Variants in MEI4 observed in about 807,000 individuals in gnomAD.
The protein encoded by MEI4 is meiotic double-stranded break formation protein 4.
A neutral mutation model predicts 31.4 loss-of-function variants in MEI4; 27 were observed. That is an observed-to-expected ratio of 0.86 (90% CI 0.63 to 1.19). The LOEUF is 1.19. MEI4 is among the 50% of genes most tolerant of loss of function. MEI4 has a pLI of 0.00. For missense variants in MEI4, 329 were observed against 398.9 expected, an observed-to-expected ratio of 0.82 and a Z score of 1.49; for synonymous variants, 122 against 145.4, an observed-to-expected ratio of 0.84 and a Z score of 1.16.
At chr6:77,697,573 G>C (rs1165194033) in intron 2 of MEI4, among the ~76,000 whole-genome samples, 1 of 152,138 alleles carries the variant, frequency 6.6e-6, no homozygotes, top group African/African-American at 2.4e-5. Context: ...GTAGTTGAGT[G>C]GTTTTGAGTG....
At chr6:77,744,335 G>C (rs1767516898) in intron 2 of MEI4, among the ~76,000 whole-genome samples, 1 of 152,130 alleles carries the variant, frequency 6.6e-6, no homozygotes, top group African/African-American at 2.4e-5. Context: ...GAAGCCTCAG[G>C]AGCCGATGCA....
chr6:77,734,143 T>C (rs1217696281), intron 2 of MEI4, among the ~76,000 whole-genome samples: 5 of 151,964 alleles, frequency 3.3e-5, no homozygotes, highest in Non-Finnish European at 7.4e-5. Flanking sequence ...GTCTATTAGG[T>C]CCGCTTGGTG....
chr6:77,824,757 G>A (rs1033487870), intron 3 of MEI4, among the ~76,000 whole-genome samples: 2 of 152,058 alleles, frequency 1.3e-5, no homozygotes, highest in African/African-American at 4.8e-5. Flanking sequence ...GAAAGGGAAT[G>A]TTATTATCAT....
chr6:77,819,086 A>G (rs1221064890), intron 3 of MEI4, among the ~76,000 whole-genome samples: 1 of 152,172 alleles, frequency 6.6e-6, no homozygotes, highest in Non-Finnish European at 1.5e-5. Context: ...CCGTACTTTT[A>G]TTCTTTTACA....
intron 4 of MEI4, among the ~76,000 whole-genome samples, chr6:77,870,866 C>T (rs1771173729): frequency 6.6e-6 from 1 of 152,114 alleles, no homozygotes; most frequent in African/African-American, 2.4e-5. Context: ...AACTACTTCT[C>T]CCTTTTAAAA....
chr6:77,770,923 A>G (rs1470742838), intron 3 of MEI4, among the ~76,000 whole-genome samples: 1 of 152,122 alleles, frequency 6.6e-6, no homozygotes. Flanking sequence ...GCAGCAAAAG[A>G]AAAAATTGAC....
chr6:77,752,347 C>T (rs778289865), intron 2 of MEI4, among the ~76,000 whole-genome samples: 12 of 152,160 alleles, frequency 7.9e-5, no homozygotes, highest in East Asian at 1.9e-4. Context: ...TTGCAGATGA[C>T]GTGATTGTAT....
chr6:77,698,164 G>A (rs1185888766), intron 2 of MEI4, among the ~76,000 whole-genome samples: 1 of 152,120 alleles, frequency 6.6e-6, no homozygotes, highest in Non-Finnish European at 1.5e-5. Context: ...GTGTGTCTCT[G>A]CATGTGAGAT....
intron 2 of MEI4, among the ~76,000 whole-genome samples, chr6:77,700,285 T>A (rs1766185289): frequency 6.6e-6 from 1 of 152,200 alleles, no homozygotes; most frequent in Non-Finnish European, 1.5e-5. Flanking sequence ...TAATCAAGCC[T>A]GGGCAGTGGC....
intron 4 of MEI4, among the ~76,000 whole-genome samples, chr6:77,868,502 C>CATACATATATATATATATATATATAT (rs1554170568): frequency 1.1e-5 from 1 of 90,068 alleles, no homozygotes; most frequent in African/African-American, 3.5e-5. Context: ...AAAAATACTA[C>CATACATATATATATATATATATATAT]ATATATATAT....
At chr6:77,919,205 G>C (rs1309757613) in intron 4 of MEI4, among the ~76,000 whole-genome samples, 1 of 151,810 alleles carries the variant, frequency 6.6e-6, no homozygotes, top group Non-Finnish European at 1.5e-5. Flanking sequence ...ATTTTTTTCA[G>C]CACCACACCA....
intron 2 of MEI4, among the ~76,000 whole-genome samples, chr6:77,737,840 A>AG (rs1767292674): frequency 6.6e-6 from 1 of 152,174 alleles, no homozygotes. Context: ...TGGAGACTGG[A>AG]GGGTAGTAGC....
At chr6:77,888,265 T>A (rs1485589014) in intron 4 of MEI4, among the ~76,000 whole-genome samples, 3 of 152,146 alleles carry the variant, frequency 2.0e-5, no homozygotes, top group Non-Finnish European at 4.4e-5. Flanking sequence ...TTTAGAATAT[T>A]ATTGATAGGT....
intron 4 of MEI4, among the ~76,000 whole-genome samples, chr6:77,872,500 A>C (rs1486155173): frequency 6.6e-6 from 1 of 152,158 alleles, no homozygotes; most frequent in Non-Finnish European, 1.5e-5. Context: ...TTCTGGAGAA[A>C]TGTTTACGAA....
intron 2 of MEI4, among the ~76,000 whole-genome samples, chr6:77,749,193 A>G (rs531739929): frequency 2.6e-5 from 4 of 152,292 alleles, no homozygotes; most frequent in African/African-American, 9.6e-5. Context: ...GAAGATTCCA[A>G]AACCCAGAAC....
chr6:77,899,308 G>A (rs1293337936), intron 4 of MEI4, among the ~76,000 whole-genome samples: 1 of 152,000 alleles, frequency 6.6e-6, no homozygotes, highest in Admixed American at 6.6e-5. Context: ...GTCTGTTGAT[G>A]AGGAAGAAGG....
intron 4 of MEI4, among the ~76,000 whole-genome samples, chr6:77,893,283 A>G (rs895830640): frequency 3.3e-5 from 5 of 152,148 alleles, no homozygotes; most frequent in Admixed American, 1.3e-4. Flanking sequence ...GTGTGTATTA[A>G]CATATGCATC....
intron 2 of MEI4, among the ~76,000 whole-genome samples, chr6:77,701,591 G>A (rs1238825199): frequency 6.7e-6 from 1 of 149,764 alleles, no homozygotes; most frequent in African/African-American, 2.4e-5. Flanking sequence ...ACATCTATGT[G>A]TAATGTAATA....
intron 2 of MEI4, among the ~76,000 whole-genome samples, chr6:77,696,222 T>TTTTGG (rs1431043313): frequency 6.6e-6 from 1 of 152,188 alleles, no homozygotes; most frequent in African/African-American, 2.4e-5. Context: ...AGGGACAATT[T>TTTTGG]GACTTCCTCT....
Sources: allele counts gnomAD v4.1 joint callset (sites outside exome capture counted in the v4.1 genomes callset), GRCh38; gene constraint gnomAD v4.1.1; transcripts MANE v1.5; gene names NCBI Gene and HGNC (gene_info 2026-07-23, HGNC 2026-07-21).